TTLL7: variants seen among roughly 807,000 people sequenced by gnomAD.
The protein encoded by TTLL7 is tubulin polyglutamylase TTLL7.
In TTLL7, 53 loss-of-function variants were observed where a neutral mutation model predicts 120.2. The ratio of observed to expected loss-of-function variants is 0.44; its 90% CI spans 0.35 to 0.55. TTLL7 has a LOEUF of 0.55. Among genes scored for constraint, TTLL7 ranks in the 20% least tolerant of loss-of-function variants. The pLI, the probability that TTLL7 is intolerant of heterozygous loss-of-function variation, is 0.00. For missense variants in TTLL7, 803 were observed against 1,054.7 expected (o/e 0.76, Z 3.31); for synonymous variants, 353 against 351.7 (o/e 1.00, Z -0.04).
intron 1 of TTLL7, among the ~76,000 whole-genome samples, chr1:83,958,056 T>C (rs1649679653): frequency 6.6e-6 from 1 of 152,064 alleles, no homozygotes; most frequent in Non-Finnish European, 1.5e-5. Flanking sequence ...ACAATGATAA[T>C]GAGGAAGAGC....
intron 8 of TTLL7, among the ~76,000 whole-genome samples, chr1:83,934,335 A>G (rs765758005): frequency 6.6e-6 from 1 of 152,196 alleles, no homozygotes; most frequent in Non-Finnish European, 1.5e-5. Context: ...AGCATACGCT[A>G]GCCCCATCCA....
At chr1:83,941,739 T>C (rs914864504) in intron 7 of TTLL7, among the ~76,000 whole-genome samples, 2 of 152,200 alleles carry the variant, frequency 1.3e-5, no homozygotes, top group Non-Finnish European at 2.9e-5. Flanking sequence ...AATTTAACTT[T>C]CATAAGCTAC....
chr1:83,914,323 CTTTTTTT>C (rs1171299360), intron 14 of TTLL7, among the ~76,000 whole-genome samples: 3 of 78,280 alleles, frequency 3.8e-5, no homozygotes, highest in African/African-American at 1.0e-4. Flanking sequence ...CTCTCTCTCT[CTTTTTTT>C]TTTTTTTTTT....
intron 1 of TTLL7, among the ~76,000 whole-genome samples, chr1:83,957,036 A>G (rs554935503): frequency 2.4e-3 from 360 of 152,320 alleles, no homozygotes; most frequent in African/African-American, 8.3e-3. Context: ...ATTTAAATGA[A>G]AGTATAATAT....
In TTLL7 at chr1:83,884,938, T is replaced by C. The variant is rs1043634248; in HGVS notation, c.2370-1802A>G. ...GCAAAGGAATGAAAATTATTTTTAT[T>C]TAAGAAACAGTAATTCGACGGTTAA... On this transcript the variant is annotated intron_variant, in intron 19 of 20. Transcript: ENST00000260505. The C allele has an allele frequency of 1.9e-5, 3 of 154,366 alleles. No individual in the cohort carries two copies. The Admixed American group carries it at 2.0e-4, about 10-fold the overall frequency. 9.6% of individuals were successfully genotyped at this position (154,366 alleles called of 1,614,324 possible). A position where few individuals can be genotyped will look rare whatever the true frequency, so the allele number is the denominator to read the frequency against.
chr1:83,971,365 T>C (rs1025659025), intron 1 of TTLL7, among the ~76,000 whole-genome samples: 2 of 152,104 alleles, frequency 1.3e-5, no homozygotes, highest in Non-Finnish European at 2.9e-5. Context: ...AGTTTCTATG[T>C]GGAGGATTTA....
At chr1:83,919,257 A>AGT (rs1553135158) in intron 13 of TTLL7, among the ~76,000 whole-genome samples, 1 of 116,664 alleles carries the variant, frequency 8.6e-6, no homozygotes, top group Non-Finnish European at 1.7e-5. Flanking sequence ...TGTACAGATT[A>AGT]GAGTGTGTGT....
chr1:83,952,955 G>A (rs934520305), intron 1 of TTLL7, among the ~76,000 whole-genome samples: 1 of 152,118 alleles, frequency 6.6e-6, no homozygotes, highest in Non-Finnish European at 1.5e-5. Flanking sequence ...TGCCAGGCAG[G>A]GTAGAGGTCA....
At position 83,942,365 on chromosome 1, in the gene TTLL7, G is replaced by T; in HGVS notation, c.723+98C>A. 6.1e-6 allele frequency: 6 copies of T among 982,580 alleles called. No homozygotes were observed. The Admixed American group carries it at 1.0e-4, about 17-fold the overall frequency. 60.9% of individuals were successfully genotyped at this position (982,580 alleles called of 1,614,324 possible). ...TCCAGACCACAAAAACCTGAGAGGA[G>T]CAACTTTCATTCATACAATCTATAT... On this transcript the variant is annotated intron_variant, in intron 7 of 20. Coordinates refer to ENST00000260505, the MANE Select transcript of TTLL7 (RefSeq NM_024686.6).
intron 1 of TTLL7, among the ~76,000 whole-genome samples, chr1:83,976,143 G>C (rs970998080): frequency 3.3e-5 from 5 of 151,670 alleles, no homozygotes. Context: ...AAGTAAGTCT[G>C]AAAGATATTC....
intron 4 of TTLL7, 111 bp downstream of exon 4, chr1:83,949,750 GGTGA>G: frequency 8.6e-7 from 1 of 1,163,924 alleles, no homozygotes; most frequent in East Asian, 2.4e-5. Context: ...AGGCTATTCA[GGTGA>G]GTAAGAGCTG....
intron 1 of TTLL7, among the ~76,000 whole-genome samples, chr1:83,965,418 C>T (rs779037647): frequency 2.0e-4 from 30 of 152,150 alleles, no homozygotes; most frequent in Non-Finnish European, 4.1e-4. Flanking sequence ...GTGCCTGCTT[C>T]CCCTGCCACC....
chr1:83,994,987 G>C (rs1653349602), intron 1 of TTLL7, among the ~76,000 whole-genome samples: 1 of 152,148 alleles, frequency 6.6e-6, no homozygotes, highest in Non-Finnish European at 1.5e-5. Flanking sequence ...CCAGAAAGTA[G>C]TCTATCACAT....
chr1:83,949,783 T>A, intron 4 of TTLL7, 82 bp downstream of exon 4: 1 of 1,488,804 alleles, frequency 6.7e-7, no homozygotes, highest in Non-Finnish European at 9.2e-7. Context: ...TAAGGCAACA[T>A]ATTAAGAACC....
intron 20 of TTLL7, among the ~76,000 whole-genome samples, chr1:83,871,819 C>T (rs971455200): frequency 5.3e-5 from 8 of 150,892 alleles, no homozygotes; most frequent in Non-Finnish European, 8.8e-5. Context: ...ATGGCATGAA[C>T]CCGGGAGGCA....
At chr1:83,959,682 A>G (rs80267833) in intron 1 of TTLL7, among the ~76,000 whole-genome samples, 6,148 of 152,236 alleles carry the variant, frequency 0.04, 143 homozygotes, top group Middle Eastern at 0.099. Flanking sequence ...AAGGATTAAC[A>G]ACAACCACAA....
At chr1:83,907,978 T>C (rs1657347395) in intron 15 of TTLL7, among the ~76,000 whole-genome samples, 1 of 152,098 alleles carries the variant, frequency 6.6e-6, no homozygotes. Context: ...ATGGAGCATA[T>C]TCTATAAGCC....
chr1:83,989,571 A>G (rs1222366628), intron 1 of TTLL7, among the ~76,000 whole-genome samples: 2 of 152,216 alleles, frequency 1.3e-5, no homozygotes, highest in Non-Finnish European at 2.9e-5. Context: ...CTTACAGTAT[A>G]TAGTTTGAAG....
chr1:83,922,142 G>A (rs1658724214), intron 10 of TTLL7, among the ~76,000 whole-genome samples: 1 of 151,920 alleles, frequency 6.6e-6, no homozygotes, highest in Non-Finnish European at 1.5e-5. Flanking sequence ...GACCTAGCAG[G>A]AACAGGGTGT....
Sources: gnomAD v4.1 joint callset for allele counts (sites outside exome capture counted in the v4.1 genomes callset) on GRCh38, gnomAD v4.1.1 for gene constraint, MANE v1.5 for transcripts, NCBI Gene and HGNC (gene_info 2026-07-23, HGNC 2026-07-21) for gene names.